GUCD1: variants seen among roughly 807,000 people sequenced by gnomAD.
GUCD1 encodes the protein protein GUCD1.
Under a neutral mutation model 28.3 loss-of-function variants are expected in GUCD1, and 17 were observed. The ratio of observed to expected loss-of-function variants is 0.60; its 90% CI spans 0.41 to 0.90. GUCD1 has a LOEUF of 0.90. Ranked by LOEUF, GUCD1 falls within the 40% of genes least tolerant of loss-of-function variation. The pLI is 0.00. For synonymous variants in GUCD1, 129 were observed against 123.3 expected, an observed-to-expected ratio of 1.05 and a Z score of -0.30; for missense variants, 279 against 305.5, an observed-to-expected ratio of 0.91 and a Z score of 0.65.
At chr22:24,548,296 G>T (rs546297257) in intron 2 of GUCD1, among the ~76,000 whole-genome samples, 1 of 152,336 alleles carries the variant, frequency 6.6e-6, no homozygotes, top group Admixed American at 6.5e-5. Context: ...CAAATCTATT[G>T]TGTCTTGTGG....
At chr22:24,550,108 C>T (rs1569015656) in intron 1 of GUCD1, among the ~76,000 whole-genome samples, 1 of 152,254 alleles carries the variant, frequency 6.6e-6, no homozygotes, top group Non-Finnish European at 1.5e-5. Flanking sequence ...GCGTTCCAGT[C>T]TCAACTGTGC....
chr22:24,554,576 A>C (rs184628109), intron 1 of GUCD1, among the ~76,000 whole-genome samples: 1 of 152,226 alleles, frequency 6.6e-6, no homozygotes, highest in South Asian at 2.1e-4. Flanking sequence ...AGTGAAGAAC[A>C]AGAGCAAGAC....
chr22:24,555,229 G>T, upstream of GUCD1: 2 of 1,204,296 alleles, frequency 1.7e-6, no homozygotes, highest in Non-Finnish European at 2.1e-6. Context: ...TTTGATCTTA[G>T]AGGTCCCCAG....
chr22:24,549,023 T>A, intron 1 of GUCD1, 22 bp from the exon 2 acceptor site: 733 of 1,291,544 alleles, frequency 5.7e-4, no homozygotes, highest in Non-Finnish European at 7.4e-4. Context: ...CAGAGGGAGG[T>A]CACAGACCCT....
chr22:24,544,273 G>T (rs572218261), intron 4 of GUCD1, among the ~76,000 whole-genome samples, 190 bp from the exon 5 acceptor site: 13 of 151,616 alleles, frequency 8.6e-5, no homozygotes, highest in Admixed American at 8.5e-4. Context: ...CCGGTGGGGG[G>T]GGTGTGTGTG....
chr22:24,551,532 A>G (rs1332377019), intron 1 of GUCD1, among the ~76,000 whole-genome samples: 1 of 152,150 alleles, frequency 6.6e-6, no homozygotes, highest in East Asian at 1.9e-4. Context: ...TTAACCTGTG[A>G]ACTCATCAAG....
At chr22:24,554,918 G>A in intron 1 of GUCD1, 31 bp downstream of exon 1, 6 of 1,529,844 alleles carry the variant, frequency 3.9e-6, no homozygotes, top group East Asian at 2.5e-5. Context: ...CGTTCCTAGG[G>A]TGAAGACTGG....
chr22:24,543,146 C>T (rs574672822), intron 5 of GUCD1, 49 bp from the exon 6 acceptor site: 3 of 1,289,754 alleles, frequency 2.3e-6, no homozygotes, highest in Non-Finnish European at 3.4e-6. Flanking sequence ...TGTGAGAGAG[C>T]ACCTACACCA....
chr22:24,552,948 C>T (rs921909044), intron 1 of GUCD1, among the ~76,000 whole-genome samples: 1 of 152,090 alleles, frequency 6.6e-6, no homozygotes, highest in South Asian at 2.1e-4. Flanking sequence ...TATGGGCACA[C>T]GCTACCACAC....
At chr22:24,544,737 C>G (rs1444597713) in intron 4 of GUCD1, among the ~76,000 whole-genome samples, 1 of 152,178 alleles carries the variant, frequency 6.6e-6, no homozygotes, top group Non-Finnish European at 1.5e-5. Flanking sequence ...CAGGGCTGGG[C>G]ACAGTGGCTC....
At chr22:24,553,597 T>C (rs1262798785) in intron 1 of GUCD1, among the ~76,000 whole-genome samples, 1 of 152,250 alleles carries the variant, frequency 6.6e-6, no homozygotes, top group Non-Finnish European at 1.5e-5. Context: ...TACAGCCCTC[T>C]GTGTGAGGCT....
At chr22:24,555,829 C>T, upstream of GUCD1, 2 of 1,544,660 alleles carry the variant, frequency 1.3e-6, no homozygotes, top group Non-Finnish European at 8.7e-7. Flanking sequence ...CAGTCATCAG[C>T]CCTCTTTTCC....
At position 24,555,106 on chromosome 22, in the gene GUCD1, C is replaced by G. The variant is rs893831020; in HGVS notation, c.-115G>C. 10 of 1,313,212 alleles carry G rather than the reference C, an allele frequency of 7.6e-6. No individual in the cohort carries two copies. The Admixed American group carries it at 3.2e-4, about 43-fold the overall frequency. 81.3% of individuals were successfully genotyped at this position (1,313,212 alleles called of 1,614,324 possible). On this transcript the variant is annotated 5_prime_UTR_variant, in exon 1 of 6. Coordinates refer to ENST00000435822, the MANE Select transcript of GUCD1 (RefSeq NM_001284254.2). ...TCGAGTTCCTTCTCCGCCACCGCCG[C>G]CGCTGCGGAGGAGAGAACGGGAGGC... is the stretch of plus-strand genomic sequence containing the variant.
chr22:24,542,922 CCAA>C lies in GUCD1; in HGVS notation c.*81_*83del. ...GTTCCACATTCCAACCCCAGCAGCCCCAAGCCTGGGCCAGGGCATCCTGAGCGG... is the reference window on the plus strand; with the variant it reads ...GTTCCACATTCCAACCCCAGCAGCCCGCCTGGGCCAGGGCATCCTGAGCGG... On this transcript the variant is annotated 3_prime_UTR_variant, in exon 6 of 6. Transcript: ENST00000435822. The C allele has an allele frequency of 1.0e-6, 1 of 982,670 alleles. No homozygotes were observed. Among genetic ancestry groups the C allele is most frequent in the Admixed American group, 1.7e-5 (1 of 58,072 alleles). The allele number at this position is 982,670 out of a possible 1,614,324, so 60.9% of individuals were successfully genotyped here.
At chr22:24,555,355 C>T, upstream of GUCD1, 1 of 1,369,830 alleles carries the variant, frequency 7.3e-7, no homozygotes, top group Non-Finnish European at 9.5e-7. Flanking sequence ...CCGGAAGCCC[C>T]GCCCCTTTCT....
rs976842786 is a variant in GUCD1, at chr22:24,542,441, A to G, written c.*565T>C. ...GTCTATGCTGGGTGGCAGGGGTCAG[A>G]TGCCCTGTAATGAGCCACAGAAACT... On this transcript the variant is annotated 3_prime_UTR_variant, in exon 6 of 6. Transcript: ENST00000435822. The G allele has an allele frequency of 6.5e-6, 1 of 153,158 alleles. No individual in the cohort carries two copies. 9.5% of individuals were successfully genotyped at this position (153,158 alleles called of 1,614,324 possible).
At chr22:24,547,266 G>A (rs2044751502) in intron 3 of GUCD1, 7 of 465,812 alleles carry the variant, frequency 1.5e-5, no homozygotes, top group African/African-American at 4.0e-5. Context: ...TCAGCTCTCT[G>A]GGGAGGATCG....
chr22:24,542,674 G>C lies in GUCD1; in HGVS notation c.*332C>G. ...CTCCAGGCTCAGTCCTGCGGTCTGT[G>C]GGGAGACCATTGCCATGGATCTGGC... On this transcript the variant is annotated 3_prime_UTR_variant, in exon 6 of 6. Transcript: ENST00000435822. The C allele has an allele frequency of 3.0e-6, 1 of 336,926 alleles. No individual in the cohort carries two copies. The highest frequency in any genetic ancestry group is 5.8e-6 in the Non-Finnish European group (1 of 172,036). 20.9% of individuals were successfully genotyped at this position (336,926 alleles called of 1,614,324 possible).
chr22:24,555,705 C>T, upstream of GUCD1: 1 of 1,550,694 alleles, frequency 6.4e-7, no homozygotes, highest in Non-Finnish European at 8.7e-7. Flanking sequence ...AGGGCCCAAG[C>T]CCCGCGTCTC....
Sources: allele counts gnomAD v4.1 joint callset (sites outside exome capture counted in the v4.1 genomes callset), GRCh38; gene constraint gnomAD v4.1.1; transcripts MANE v1.5; gene names NCBI Gene and HGNC (gene_info 2026-07-23, HGNC 2026-07-21).